Variants in CNTN5 observed in about 807,000 individuals in gnomAD.
CNTN5 encodes the protein contactin-5.
Under a neutral mutation model 129.1 loss-of-function variants are expected in CNTN5, and 77 were observed. That is an observed-to-expected ratio of 0.60 (90% confidence interval 0.50 to 0.72). The LOEUF (loss-of-function observed/expected upper bound fraction) is 0.72. CNTN5 is among the 30% of genes least tolerant of loss of function. The probability of loss-of-function intolerance (pLI) is 0.00; values close to 1 mark genes in which losing one functional copy is unlikely to be tolerated. For synonymous variants in CNTN5, 509 were observed against 465.6 expected (o/e 1.09, Z -1.20); for missense variants, 1,478 against 1,328.8 (o/e 1.11, Z -1.75).
At chr11:100,049,180 A>T (rs2137727081) in intron 9 of CNTN5, among the ~76,000 whole-genome samples, 1 of 152,236 alleles carries the variant, frequency 6.6e-6, no homozygotes, top group Middle Eastern at 3.4e-3. Context: ...TGCTGTTTTT[A>T]ATTTCTAAAA....
chr11:99,351,608 A>G (rs1938304190), intron 2 of CNTN5, among the ~76,000 whole-genome samples: 1 of 152,226 alleles, frequency 6.6e-6, no homozygotes, highest in African/African-American at 2.4e-5. Flanking sequence ...GATTAAAAAC[A>G]CAAACATAAG....
intron 3 of CNTN5, among the ~76,000 whole-genome samples, chr11:99,557,240 A>G (rs1213161131): frequency 6.6e-6 from 1 of 151,344 alleles, no homozygotes; most frequent in Non-Finnish European, 1.5e-5. Context: ...AAATATTGAT[A>G]TAAATACATA....
chr11:99,158,766 T>C (rs1457811470), intron 1 of CNTN5, among the ~76,000 whole-genome samples: 2 of 152,148 alleles, frequency 1.3e-5, no homozygotes, highest in African/African-American at 4.8e-5. Flanking sequence ...TCTGTAACAG[T>C]ATATCTTGTG....
Position 100,287,467 on chromosome 11 carries a change from G to A in CNTN5, c.2315-10158G>A, listed in dbSNP as rs866733771. 8.6e-3 allele frequency among the ~76,000 whole-genome samples: 1,239 copies of A among 144,340 alleles called. 10 individuals are homozygous for A. The highest frequency in any genetic ancestry group is 0.019 in the African/African-American group (722 of 38,552). 94.7% of individuals were successfully genotyped at this position (144,340 alleles called of 152,430 possible). On this transcript the variant is annotated intron_variant, in intron 18 of 24. Transcript: ENST00000524871. ...GGGCCAATATTCAACATTCTTAAAG[G>A]AAAGAATTTTCAACCCAGAATTTCA...
chr11:99,523,183 C>T (rs574706942), intron 2 of CNTN5, among the ~76,000 whole-genome samples: 1 of 152,334 alleles, frequency 6.6e-6, no homozygotes, highest in African/African-American at 2.4e-5. Context: ...CTACATTCGT[C>T]TGTTGACACT....
chr11:99,048,423 C>A (rs776222101), intron 1 of CNTN5, among the ~76,000 whole-genome samples: 11 of 152,108 alleles, frequency 7.2e-5, no homozygotes, highest in Non-Finnish European at 1.6e-4. Context: ...CCAAATGATT[C>A]ATTTTCCCCC....
intron 1 of CNTN5, among the ~76,000 whole-genome samples, chr11:99,215,419 G>T (rs1420512007): frequency 6.6e-6 from 1 of 152,120 alleles, no homozygotes; most frequent in Non-Finnish European, 1.5e-5. Context: ...AGATTTCGGA[G>T]AATTTGGGTA....
chr11:99,228,985 G>A (rs1367284897), intron 1 of CNTN5, among the ~76,000 whole-genome samples: 2 of 151,852 alleles, frequency 1.3e-5, no homozygotes, highest in Non-Finnish European at 2.9e-5. Context: ...CATTTATAAA[G>A]TTTCTAATGA....
intron 9 of CNTN5, among the ~76,000 whole-genome samples, chr11:100,054,523 C>G (rs1943117914): frequency 6.6e-6 from 1 of 151,700 alleles, no homozygotes; most frequent in African/African-American, 2.4e-5. Flanking sequence ...GGTTTAGAAG[C>G]GTTTCAGATT....
intron 1 of CNTN5, among the ~76,000 whole-genome samples, chr11:99,229,045 TTGTA>T (rs1371904023): frequency 1.2e-4 from 18 of 152,190 alleles, no homozygotes; most frequent in Non-Finnish European, 2.2e-4. Flanking sequence ...TTTCTATGGA[TTGTA>T]TGTATTTTTT....
chr11:99,106,985 C>CA (rs1867027016), intron 1 of CNTN5, among the ~76,000 whole-genome samples: 1 of 151,916 alleles, frequency 6.6e-6, no homozygotes, highest in Non-Finnish European at 1.5e-5. Context: ...AAATATAAAC[C>CA]AAAAATTCAT....
intron 4 of CNTN5, among the ~76,000 whole-genome samples, chr11:99,841,249 A>G (rs1230309653): frequency 6.6e-6 from 1 of 152,172 alleles, no homozygotes; most frequent in African/African-American, 2.4e-5. Flanking sequence ...ATGGGCAGTA[A>G]TAATAAAATA....
At chr11:99,992,544 G>C (rs746743) in intron 8 of CNTN5, among the ~76,000 whole-genome samples, 57,690 of 151,908 alleles carry the variant, frequency 0.38, 12,417 homozygotes, top group African/African-American at 0.59. Context: ...CATAAAATCT[G>C]CTAAGGAAAC....
chr11:99,183,265 T>C (rs981148516), intron 1 of CNTN5, among the ~76,000 whole-genome samples: 2 of 152,164 alleles, frequency 1.3e-5, no homozygotes, highest in Non-Finnish European at 2.9e-5. Flanking sequence ...ATACTGTCTA[T>C]TGAAGAGAAA....
At chr11:99,427,370 T>C (rs1943165999) in intron 2 of CNTN5, among the ~76,000 whole-genome samples, 1 of 152,090 alleles carries the variant, frequency 6.6e-6, no homozygotes, top group South Asian at 2.1e-4. Flanking sequence ...CAAAAACTGA[T>C]GAAAAACTTG....
At chr11:99,955,617 C>T (rs898347091) in intron 7 of CNTN5, among the ~76,000 whole-genome samples, 110 of 151,870 alleles carry the variant, frequency 7.2e-4, no homozygotes, top group African/African-American at 2.5e-3. Flanking sequence ...TGGAGTGCAG[C>T]GGCATGACCT....
In CNTN5 at chr11:99,930,246, A is replaced by C. The variant is rs139048983; in HGVS notation, c.673+14097A>C. Among the ~76,000 whole-genome samples the C allele has an allele frequency of 6.6e-5, 10 of 152,270 alleles. 1 individual carries two copies. In the East Asian group the frequency reaches 1.4e-3, roughly 21 times the overall value. On this transcript the variant is annotated intron_variant, in intron 7 of 24. Coordinates refer to ENST00000524871, the MANE Select transcript of CNTN5 (RefSeq NM_014361.4). ...AAACTGCCATTTTGCTCCTTACTGC[A>C]TATGCCTGAATATATTCTCAGAAAA...
At chr11:99,277,113 A>G (rs765487842) in intron 1 of CNTN5, among the ~76,000 whole-genome samples, 2 of 151,726 alleles carry the variant, frequency 1.3e-5, no homozygotes, top group Non-Finnish European at 2.9e-5. Flanking sequence ...AATCATATAC[A>G]TAGAAGAATA....
chr11:99,500,362 C>T (rs1311492504), intron 2 of CNTN5, among the ~76,000 whole-genome samples: 1 of 152,086 alleles, frequency 6.6e-6, no homozygotes, highest in African/African-American at 2.4e-5. Flanking sequence ...AAAGCTAACA[C>T]ATTTGTTTTA....
Sources: gnomAD v4.1 joint callset for allele counts (sites outside exome capture counted in the v4.1 genomes callset) on GRCh38, gnomAD v4.1.1 for gene constraint, MANE v1.5 for transcripts, NCBI Gene and HGNC (gene_info 2026-07-23, HGNC 2026-07-21) for gene names.